DNAJC5B: variants seen among roughly 807,000 people sequenced by gnomAD.
DNAJC5B encodes the protein dnaJ homolog subfamily C member 5B.
DNAJC5B carries 23 observed loss-of-function variants against 24.7 expected under a neutral mutation model. That is an observed-to-expected ratio of 0.93 (90% CI 0.67 to 1.32). DNAJC5B has a LOEUF of 1.32. Among genes scored for constraint, DNAJC5B ranks in the 40% most tolerant of loss-of-function variants. The probability of loss-of-function intolerance (pLI) is 0.00; values close to 1 mark genes in which losing one functional copy is unlikely to be tolerated. For synonymous variants in DNAJC5B, 101 were observed against 90.1 expected (o/e 1.12, Z -0.68); for missense variants, 238 against 240.8 (o/e 0.99, Z 0.08).
intron 1 of DNAJC5B, among the ~76,000 whole-genome samples, chr8:66,024,066 G>C (rs923761105): frequency 1.3e-5 from 2 of 152,196 alleles, no homozygotes; most frequent in Non-Finnish European, 2.9e-5. Flanking sequence ...ATTAACCTTA[G>C]AGATGTCTGG....
chr8:66,037,313 A>G (rs991546081), intron 1 of DNAJC5B, among the ~76,000 whole-genome samples: 1 of 152,144 alleles, frequency 6.6e-6, no homozygotes, highest in African/African-American at 2.4e-5. Flanking sequence ...GTAGGCTCCT[A>G]AAAGGCTCTG....
At chr8:66,040,860 A>G (rs1226604457) in intron 1 of DNAJC5B, among the ~76,000 whole-genome samples, 1 of 152,226 alleles carries the variant, frequency 6.6e-6, no homozygotes, top group Non-Finnish European at 1.5e-5. Flanking sequence ...TTCAGCACAC[A>G]TTAAAATTCT....
intron 3 of DNAJC5B, among the ~76,000 whole-genome samples, chr8:66,060,895 T>C (rs1563598940): frequency 6.6e-6 from 1 of 152,234 alleles, no homozygotes; most frequent in Non-Finnish European, 1.5e-5. Flanking sequence ...ACCTGCTTCC[T>C]TAAACCTGTT....
rs143543389 is a variant in DNAJC5B, at chr8:66,022,420, C to T, written c.-142+715C>T. ...CCTGACTCATCCCCATGTGGACTCC[C>T]TTGGGTCTTAGCACACTGCGACCCC... is the stretch of plus-strand genomic sequence containing the variant. On this transcript the variant is annotated intron_variant, in intron 1 of 5. Coordinates refer to ENST00000276570, the MANE Select transcript of DNAJC5B (RefSeq NM_033105.6). 2.0e-5 allele frequency among the ~76,000 whole-genome samples: 3 copies of T among 152,262 alleles called. No individual in the cohort carries two copies. The East Asian group carries it at 5.8e-4, about 29-fold the overall frequency.
At chr8:66,094,078 T>G (rs1177696384) in intron 5 of DNAJC5B, among the ~76,000 whole-genome samples, 1 of 152,170 alleles carries the variant, frequency 6.6e-6, no homozygotes, top group Non-Finnish European at 1.5e-5. Context: ...CAAGCCCATT[T>G]ATCACAATCC....
At chr8:66,024,433 T>TA (rs1806210902) in intron 1 of DNAJC5B, among the ~76,000 whole-genome samples, 1 of 149,540 alleles carries the variant, frequency 6.7e-6, no homozygotes, top group African/African-American at 2.5e-5. Context: ...ATGTTTTTTT[T>TA]TTATTATTAT....
intron 3 of DNAJC5B, among the ~76,000 whole-genome samples, chr8:66,072,625 G>A (rs1317166488): frequency 1.3e-5 from 2 of 152,030 alleles, no homozygotes; most frequent in Non-Finnish European, 2.9e-5. Flanking sequence ...TTGAAAATTA[G>A]GAGGTATAAT....
In DNAJC5B at chr8:66,091,479, C is replaced by T. The variant is rs139997892; in HGVS notation, c.506-8458C>T. On this transcript the variant is annotated intron_variant, in intron 5 of 5. Coordinates refer to ENST00000276570, the MANE Select transcript of DNAJC5B (RefSeq NM_033105.6). The stretch of plus-strand genomic sequence containing the variant: ...AGTACAAGCAAAGAATTGTCACAGC[C>T]TCTCCCCATATTCTTGTGGATAAGA... Among the ~76,000 whole-genome samples the T allele has an allele frequency of 8.2e-3, 1,245 of 152,220 alleles. 18 individuals carry two copies. Among genetic ancestry groups the T allele is most frequent in the Non-Finnish European group, 0.012 (783 of 68,012 alleles).
chr8:66,094,137 A>G (rs1371914673), intron 5 of DNAJC5B, among the ~76,000 whole-genome samples: 2 of 152,114 alleles, frequency 1.3e-5, no homozygotes, highest in East Asian at 1.9e-4. Context: ...CAGGTGAGTC[A>G]TATATCCTTA....
At chr8:66,088,169 A>G (rs894369415) in intron 5 of DNAJC5B, among the ~76,000 whole-genome samples, 12 of 152,238 alleles carry the variant, frequency 7.9e-5, no homozygotes, top group African/African-American at 1.9e-4. Context: ...GAGGCCCAAT[A>G]CCACGTGGAA....
chr8:66,085,423 G>A (rs1314282557), intron 5 of DNAJC5B, among the ~76,000 whole-genome samples: 1 of 152,084 alleles, frequency 6.6e-6, no homozygotes, highest in Non-Finnish European at 1.5e-5. Flanking sequence ...CTGGGTGATA[G>A]AGCAAGACTC....
Position 66,080,560 on chromosome 8 carries a change from T to C in DNAJC5B, c.505+12T>C. 1 of 1,591,240 alleles carries C rather than the reference T, an allele frequency of 6.3e-7. No individual in the cohort carries two copies. Among genetic ancestry groups the C allele is most frequent in the Non-Finnish European group, 8.6e-7 (1 of 1,168,482 alleles). ...TGACATGGAAAAAGGTGGGGTAGGA[T>C]GAGAGCAGAGGTAGTGAGTGTCCAT... On this transcript the variant is annotated intron_variant, in intron 5 of 5. Coordinates refer to ENST00000276570, the MANE Select transcript of DNAJC5B (RefSeq NM_033105.6).
chr8:66,039,011 A>C (rs995105995), intron 1 of DNAJC5B, among the ~76,000 whole-genome samples: 1 of 152,224 alleles, frequency 6.6e-6, no homozygotes, highest in African/African-American at 2.4e-5. Context: ...TGACACTAGA[A>C]CTGTGAGTTA....
intron 5 of DNAJC5B, among the ~76,000 whole-genome samples, chr8:66,099,619 A>G (rs1308810762): frequency 6.6e-6 from 1 of 152,208 alleles, no homozygotes; most frequent in East Asian, 1.9e-4. Flanking sequence ...AATCTGCACA[A>G]CTGTATATGA....
At chr8:66,061,576 G>A (rs1807081004) in intron 3 of DNAJC5B, among the ~76,000 whole-genome samples, 1 of 151,306 alleles carries the variant, frequency 6.6e-6, no homozygotes, top group African/African-American at 2.4e-5. Context: ...GTATGTGAAT[G>A]AGAAAGAATG....
At position 66,080,364 on chromosome 8, in the gene DNAJC5B, T is replaced by C; in HGVS notation, c.334-13T>C. 1 of 1,607,024 alleles carries C rather than the reference T, an allele frequency of 6.2e-7. No homozygotes were observed. ...CCCCTCATCCTCATTTTGCTTTACC[T>C]CTGTTTCCCTAGGCCCTGTTTGTCA... is the stretch of plus-strand genomic sequence containing the variant. On this transcript the variant is annotated splice_polypyrimidine_tract_variant and intron_variant, in intron 4 of 5. Coordinates refer to ENST00000276570, the MANE Select transcript of DNAJC5B (RefSeq NM_033105.6).
chr8:66,092,598 C>A (rs913568557), intron 5 of DNAJC5B, among the ~76,000 whole-genome samples: 1 of 152,114 alleles, frequency 6.6e-6, no homozygotes, highest in African/African-American at 2.4e-5. Flanking sequence ...TTACCATCAC[C>A]TTTAGAGCTC....
intron 3 of DNAJC5B, among the ~76,000 whole-genome samples, chr8:66,054,582 A>G (rs1412727436): frequency 6.6e-6 from 1 of 152,232 alleles, no homozygotes; most frequent in Non-Finnish European, 1.5e-5. Context: ...CATGTGGCAA[A>G]TTGTAGGAAC....
At chr8:66,037,341 G>A (rs971390625) in intron 1 of DNAJC5B, among the ~76,000 whole-genome samples, 4 of 152,204 alleles carry the variant, frequency 2.6e-5, no homozygotes, top group Admixed American at 1.3e-4. Context: ...CAGGAGCAGA[G>A]CTACTGAGGG....
Sources: allele counts gnomAD v4.1 joint callset (sites outside exome capture counted in the v4.1 genomes callset), GRCh38; gene constraint gnomAD v4.1.1; transcripts MANE v1.5; gene names NCBI Gene and HGNC (gene_info 2026-07-23, HGNC 2026-07-21).